TECTA: variants seen among roughly 807,000 people sequenced by gnomAD.
TECTA encodes the protein alpha-tectorin.
In TECTA, 128 loss-of-function variants were observed where a neutral mutation model predicts 216.8. The ratio of observed to expected loss-of-function variants is 0.59; its 90% CI spans 0.51 to 0.68. The LOEUF is 0.68. TECTA is among the 30% of genes least tolerant of loss of function. TECTA has a pLI of 0.00. For missense variants in TECTA, 2,551 were observed against 2,786.2 expected (o/e 0.92, Z 1.90); for synonymous variants, 1,089 against 1,117.1 (o/e 0.97, Z 0.50).
At chr11:121,102,321 G>C (rs900664622) in intron 1 of TECTA, among the ~76,000 whole-genome samples, 1 of 152,198 alleles carries the variant, frequency 6.6e-6, no homozygotes, top group South Asian at 2.1e-4. Context: ...CATCTTTAGC[G>C]TTGGGTCCTA....
chr11:121,160,567 T>A, intron 15 of TECTA, 146 bp downstream of exon 15: 1 of 1,153,344 alleles, frequency 8.7e-7, no homozygotes, highest in Non-Finnish European at 1.3e-6. Flanking sequence ...GTTTTGATGC[T>A]AAAAATAGGC....
intron 14 of TECTA, among the ~76,000 whole-genome samples, chr11:121,158,877 C>T (rs956459576): frequency 1.5e-4 from 23 of 152,300 alleles, no homozygotes; most frequent in African/African-American, 5.5e-4. Flanking sequence ...ACAAATATGG[C>T]TCTCCGACTT....
intron 13 of TECTA, among the ~76,000 whole-genome samples, chr11:121,155,576 A>G (rs1190728049): frequency 6.6e-6 from 1 of 152,210 alleles, no homozygotes; most frequent in Non-Finnish European, 1.5e-5. Context: ...TCCTCTATCT[A>G]TTTACCCTTG....
At chr11:121,137,270 GCACAAATGCATGCATA>G (rs978775235) in intron 10 of TECTA, 135 bp from the exon 11 acceptor site, 292 of 1,045,374 alleles carry the variant, frequency 2.8e-4, no homozygotes, top group South Asian at 3.1e-4. Flanking sequence ...ACACATGCAT[GCACAAATGCATGCATA>G]CACAAATGCA....
chr11:121,157,178 T>A (rs916345890), intron 13 of TECTA, among the ~76,000 whole-genome samples: 1 of 152,214 alleles, frequency 6.6e-6, no homozygotes, highest in African/African-American at 2.4e-5. Flanking sequence ...TTGTTAGAAG[T>A]GTGATTCCTT....
At chr11:121,170,388 T>G (rs1004813281) in intron 20 of TECTA, among the ~76,000 whole-genome samples, 1 of 152,140 alleles carries the variant, frequency 6.6e-6, no homozygotes, top group African/African-American at 2.4e-5. Flanking sequence ...CCTTGCTGGA[T>G]CATGTGGGAG....
chr11:121,120,218 A>G (rs1029717263), intron 7 of TECTA, among the ~76,000 whole-genome samples: 2 of 152,170 alleles, frequency 1.3e-5, no homozygotes, highest in East Asian at 3.8e-4. Flanking sequence ...CAGCTCTGCT[A>G]ATTTTGCGTG....
rs2135084344 is a variant in TECTA, at chr11:121,129,774, T to C, written c.2504T>C (p.Ile835Thr). Residue 835 changes from isoleucine (I) to threonine (T), a missense_variant, in exon 10 of 24, where the codon ATC becomes ACC. Ile to Thr is a moderately conservative substitution (Grantham distance 89). This residue lies in a region of TECTA where 2,375 missense variants were observed against 2,563.9 expected (regional missense o/e 0.93). Coordinates refer to ENST00000392793, the MANE Select transcript of TECTA (RefSeq NM_005422.4). The stretch of plus-strand genomic sequence containing the variant: ...TACTCAGACATAGGTCTATTGTACA[T>C]CCGGCTGTCCACCACATACTTCAAT... ...VQYSDIGLLY[I>T]RLSTTYFNCT... 1 of 1,614,260 alleles carries C rather than the reference T, an allele frequency of 6.2e-7. No homozygotes were observed. The highest frequency in any genetic ancestry group is 1.6e-4 in the Middle Eastern group (1 of 6,062).
In TECTA at chr11:121,137,998, C is replaced by A. The variant is rs2135096708; in HGVS notation, c.3519C>A (p.His1173Gln). 2 of 1,613,794 alleles carry A rather than the reference C, an allele frequency of 1.2e-6. No homozygotes were observed. The highest frequency in any genetic ancestry group is 1.7e-6 in the Non-Finnish European group (2 of 1,179,704). ...TGTTTGGCTACAGCATCGTGATCCA[C>A]CGAGCTTACAAGCACACTGTGCTGG... ...VTVFGYSIVI[H>Q]RAYKHTVLVN... The change falls in exon 11 of 24, where the codon CAC becomes CAA. Residue 1173 changes from histidine to glutamine, a missense_variant. His to Gln is a conservative substitution (Grantham distance 24, BLOSUM62 0). This residue lies in a region of TECTA where 2,375 missense variants were observed against 2,563.9 expected (regional missense o/e 0.93). Coordinates refer to ENST00000392793, the MANE Select transcript of TECTA (RefSeq NM_005422.4).
intron 8 of TECTA, among the ~76,000 whole-genome samples, chr11:121,126,958 A>G (rs1397476892): frequency 4.6e-5 from 7 of 152,156 alleles, no homozygotes; most frequent in Non-Finnish European, 1.0e-4. Context: ...CTACTTTCCC[A>G]TCCTCTACAT....
intron 20 of TECTA, among the ~76,000 whole-genome samples, chr11:121,179,376 T>G (rs1947202576): frequency 6.6e-6 from 1 of 152,220 alleles, no homozygotes; most frequent in African/African-American, 2.4e-5. Flanking sequence ...TCTAGTTTTA[T>G]TCCATTGTGG....
intron 14 of TECTA, among the ~76,000 whole-genome samples, chr11:121,159,041 C>G (rs1217383738): frequency 6.6e-6 from 1 of 152,116 alleles, no homozygotes; most frequent in East Asian, 1.9e-4. Flanking sequence ...GGCAGGGACC[C>G]GGAGACAGCC....
At chr11:121,141,733 G>T (rs1193512585) in intron 11 of TECTA, among the ~76,000 whole-genome samples, 1 of 152,216 alleles carries the variant, frequency 6.6e-6, no homozygotes, top group Admixed American at 6.5e-5. Context: ...GAAGAGTAGG[G>T]TTTTGGGCAT....
rs142926588 is a variant in TECTA, at chr11:121,144,972, T to C, written c.3544-583T>C. ...AGAAGTATAAATAACCTGCCCTGGT[T>C]ACCCAGACAAGGGAGTAATTAATTC... On this transcript the variant is annotated intron_variant, in intron 11 of 23. Coordinates refer to ENST00000392793, the MANE Select transcript of TECTA (RefSeq NM_005422.4). Among the ~76,000 whole-genome samples the C allele has an allele frequency of 2.0e-5, 3 of 152,272 alleles. No individual in the cohort carries two copies. The East Asian group carries it at 5.8e-4, about 29-fold the overall frequency.
rs1947057515 is a variant in TECTA at position 121,166,752 on chromosome 11, C to G, written c.5558C>G (p.Thr1853Ser). The G allele has an allele frequency of 2.5e-6, 4 of 1,614,116 alleles. No homozygotes were observed. The highest frequency in any genetic ancestry group is 3.4e-6 in the Non-Finnish European group (4 of 1,180,020). ...EDFISFQINN[T>S]KGNCGNIVQS... Reference sequence around the variant, plus strand: ...TTTATCTCCTTTCAGATCAACAACACCAAAGGGAATTGTGGAAACATTGTG... The same window carrying G: ...TTTATCTCCTTTCAGATCAACAACAGCAAAGGGAATTGTGGAAACATTGTG... The change falls in exon 18 of 24, where the codon ACC (threonine) becomes AGC (serine). Residue 1853 changes from threonine (T) to serine (S), a missense_variant. Around this residue, in one of 3 missense-constraint regions of TECTA, gnomAD observed 2,375 missense variants for 2,563.9 expected, o/e 0.93. Transcript: ENST00000392793.
intron 3 of TECTA, among the ~76,000 whole-genome samples, chr11:121,108,427 C>T (rs1946410350): frequency 6.7e-6 from 1 of 150,290 alleles, no homozygotes; most frequent in South Asian, 2.1e-4. Context: ...CAAACATATA[C>T]ATCCCACCTC....
intron 19 of TECTA, 107 bp from the exon 20 acceptor site, chr11:121,168,570 C>T: frequency 1.9e-6 from 3 of 1,550,984 alleles, no homozygotes; most frequent in Middle Eastern, 1.7e-4. Flanking sequence ...TTAGACTTTG[C>T]TACTACGTGC....
At position 121,168,827 on chromosome 11, in the gene TECTA, A is replaced by C; in HGVS notation, c.5901A>C (p.Gly1967=). The change falls in exon 20 of 24, where the codon GGA becomes GGC. Residue 1967 remains glycine, a synonymous_variant. Coordinates refer to ENST00000392793, the MANE Select transcript of TECTA (RefSeq NM_005422.4). ...DVLYVGVFVV[G]ADATHLILTL... is the part of the protein sequence containing the mutation. ...TGTATGTAGGGGTTTTTGTGGTTGG[A>C]GCTGACGCCACACATTTAATCCTAA... 1 of 1,614,166 alleles carries C rather than the reference A, an allele frequency of 6.2e-7. No individual in the cohort carries two copies.
Position 121,113,818 on chromosome 11 carries a change from A to C in TECTA, c.790+100A>C. On this transcript the variant is annotated intron_variant, in intron 6 of 23. Coordinates refer to ENST00000392793, the MANE Select transcript of TECTA (RefSeq NM_005422.4). The surrounding 1 kb of genome is among the most constrained non-coding windows in gnomAD (Gnocchi z 4.2). ...GGGGCGGACTCATTCCTGATGCCTT[A>C]CTCTTTTGACATCTCTCCGCTGGGT... 1 of 1,381,098 alleles carries C rather than the reference A, an allele frequency of 7.2e-7. No homozygotes were observed. Among genetic ancestry groups the C allele is most frequent in the Non-Finnish European group, 1.0e-6 (1 of 987,898 alleles). 85.6% of individuals were successfully genotyped at this position (1,381,098 alleles called of 1,614,324 possible).
Sources: allele counts gnomAD v4.1 joint callset (sites outside exome capture counted in the v4.1 genomes callset), GRCh38; gene constraint gnomAD v4.1.1; regional missense constraint gnomAD v4.1.1; non-coding constraint Gnocchi (gnomAD v3.1); transcripts MANE v1.5; gene names NCBI Gene and HGNC (gene_info 2026-07-23, HGNC 2026-07-21).